The following COL16A1 variants were observed in gnomAD, a reference collection of about 807,000 sequenced individuals.
COL16A1 encodes the protein collagen type XVI alpha 1 chain, also known as collagen alpha-1(XVI) chain.
A neutral mutation model predicts 266.3 loss-of-function variants in COL16A1; 189 were observed. That is an observed-to-expected ratio of 0.71 (90% CI 0.63 to 0.80). The LOEUF is 0.80. Ranked by LOEUF, COL16A1 falls within the 30% of genes least tolerant of loss-of-function variation. The probability of loss-of-function intolerance (pLI) is 0.00; values close to 1 mark genes in which losing one functional copy is unlikely to be tolerated. For synonymous variants in COL16A1, 740 were observed against 782.3 expected, an observed-to-expected ratio of 0.95 and a Z score of 0.90; for missense variants, 1,928 against 2,122.4, an observed-to-expected ratio of 0.91 and a Z score of 1.80.
rs1340638218 is a variant in COL16A1, at chr1:31,672,733, G to T, written c.2967C>A (p.Asn989Lys). 1 of 1,614,068 alleles carries T rather than the reference G, an allele frequency of 6.2e-7. No homozygotes were observed. The highest frequency in any genetic ancestry group is 1.3e-5 in the African/African-American group (1 of 75,064). Reference sequence around the variant, plus strand: ...AAGCCCAGTCCCTTACCTGGGCGCAGTTGTCGAGGCCTGGCACACCAGGGA... The same window carrying T: ...AAGCCCAGTCCCTTACCTGGGCGCATTTGTCGAGGCCTGGCACACCAGGGA... Reference protein sequence around the residue: ...QGIPGVPGLDNCAQCFLSLER... With the variant: ...QGIPGVPGLDKCAQCFLSLER... Residue 989 changes from asparagine to lysine, a missense_variant, in exon 45 of 71, where the codon AAC becomes AAA. Around this residue, in one of 2 missense-constraint regions of COL16A1, gnomAD observed 1,552 missense variants for 1,637.2 expected, o/e 0.95. Coordinates refer to ENST00000373672, the MANE Select transcript of COL16A1 (RefSeq NM_001856.4).
rs1643923394 is a variant in COL16A1 at position 31,685,514 on chromosome 1, C to T, written c.2016+125G>A. On this transcript the variant is annotated intron_variant, in intron 29 of 70. Coordinates refer to ENST00000373672, the MANE Select transcript of COL16A1 (RefSeq NM_001856.4). This position sits in a 1 kb window ranked among gnomAD's most constrained non-coding sequence, Gnocchi z 4.0. ...CCTGCTGGAGACAGAGGCTCTGACC[C>T]CGCCACACCCTCCCCACTACCCCCA... The T allele has an allele frequency of 8.3e-7, 1 of 1,198,052 alleles. No individual in the cohort carries two copies. Among genetic ancestry groups the T allele is most frequent in the Non-Finnish European group, 1.2e-6 (1 of 844,288 alleles). The allele number at this position is 1,198,052 out of a possible 1,614,324, so 74.2% of individuals were successfully genotyped here.
At chr1:31,661,336 TA>T in intron 60 of COL16A1, 77 bp downstream of exon 60, 1 of 1,608,106 alleles carries the variant, frequency 6.2e-7, no homozygotes, top group Non-Finnish European at 8.5e-7. Flanking sequence ...CTGCCCAGGA[TA>T]GGCTGCCATG....
In COL16A1 at chr1:31,652,723, A is replaced by G. The variant is rs747284868; in HGVS notation, c.4743T>C (p.Ser1581=). The change falls in exon 71 of 71, where the codon TCT becomes TCC. Residue 1581 remains serine (S), a synonymous_variant. Transcript: ENST00000373672. The surrounding 1 kb of genome is among the most constrained non-coding windows in gnomAD (Gnocchi z 4.8). ...CCATCGGCATGGCCCCAAAGCAGTCAGAGGGATTACAGTGGCCAGCCTTGC... is the reference window on the plus strand; with the variant it reads ...CCATCGGCATGGCCCCAAAGCAGTCGGAGGGATTACAGTGGCCAGCCTTGC... ...QPGKAGHCNP[S]DCFGAMPMEQ... is the part of the protein sequence containing the mutation. 4 of 1,608,212 alleles carry G rather than the reference A, an allele frequency of 2.5e-6. No individual in the cohort carries two copies. In the South Asian group the frequency reaches 4.5e-5, roughly 18 times the overall value.
In COL16A1 at chr1:31,674,899, A is replaced by G. The variant is rs111763876; in HGVS notation, c.2859+108T>C. The G allele has an allele frequency of 1.6e-4, 243 of 1,513,388 alleles. 1 individual carries two copies. Among genetic ancestry groups the G allele is most frequent in the Non-Finnish European group, 2.1e-4 (240 of 1,118,180 alleles). 93.7% of individuals were successfully genotyped at this position (1,513,388 alleles called of 1,614,324 possible). On this transcript the variant is annotated intron_variant, in intron 44 of 70. Transcript: ENST00000373672. ...GATGCTTGGAATGCGTATTCCCTGC[A>G]AACTGCTGCTCTCTCTGCGAGGTGC...
intron 1 of COL16A1, among the ~76,000 whole-genome samples, chr1:31,703,202 A>G (rs953679006): frequency 3.3e-5 from 5 of 152,214 alleles, no homozygotes; most frequent in African/African-American, 1.2e-4. Context: ...CAGCCAGCCT[A>G]TGACCACTCC....
Position 31,685,808 on chromosome 1 carries a change from G to A in COL16A1, c.1885-38C>T. On this transcript the variant is annotated intron_variant, in intron 28 of 70. Transcript: ENST00000373672. This position sits in a 1 kb window ranked among gnomAD's most constrained non-coding sequence, Gnocchi z 4.0. ...GACATTGAGTTAGGGGGTCCCCCAGGCCCTAGTGCACTTGAGCGAGGTTTG... is the reference window on the plus strand; with the variant it reads ...GACATTGAGTTAGGGGGTCCCCCAGACCCTAGTGCACTTGAGCGAGGTTTG... The A allele has an allele frequency of 6.2e-7, 1 of 1,607,074 alleles. No individual in the cohort carries two copies. The highest frequency in any genetic ancestry group is 8.5e-7 in the Non-Finnish European group (1 of 1,175,030).
At position 31,696,128 on chromosome 1, in the gene COL16A1, A is replaced by G. The variant is rs1644489053; in HGVS notation, c.878T>C (p.Leu293Pro). 1 of 1,603,824 alleles carries G rather than the reference A, an allele frequency of 6.2e-7. No individual in the cohort carries two copies. The highest frequency in any genetic ancestry group is 1.4e-5 in the African/African-American group (1 of 71,038). ...EPQNSEVDAQLTGRISQKAER... is the reference protein window; with the variant it reads ...EPQNSEVDAQPTGRISQKAER... ...TGCCTTCTGGCTGATTCTTCCCGTC[A>G]GCTGGGCATCCACCTGGGCAGACAG... The change falls in exon 9 of 71, where the codon CTG (leucine) becomes CCG (proline). Residue 293 changes from leucine (L) to proline (P), a missense_variant. Leu to Pro is a moderately conservative substitution (Grantham distance 98). Coordinates refer to ENST00000373672, the MANE Select transcript of COL16A1 (RefSeq NM_001856.4).
At position 31,668,256 on chromosome 1, in the gene COL16A1, C is replaced by A. The variant is rs368837553; in HGVS notation, c.3250-38G>T. The A allele has an allele frequency of 1.2e-5, 20 of 1,606,110 alleles. No homozygotes were observed. In the African/African-American group the frequency reaches 2.0e-4, roughly 16 times the overall value. ...GCAGACATGATGGATAGCCCCCCAACATTTCTGTTCTCCCCTCGCTGGGTA... is the reference window on the plus strand; with the variant it reads ...GCAGACATGATGGATAGCCCCCCAAAATTTCTGTTCTCCCCTCGCTGGGTA... On this transcript the variant is annotated intron_variant, in intron 50 of 70. Transcript: ENST00000373672. The surrounding 1 kb of genome is among the most constrained non-coding windows in gnomAD (Gnocchi z 5.8).
chr1:31,699,326 G>C (rs1644631763), intron 4 of COL16A1, among the ~76,000 whole-genome samples: 1 of 152,182 alleles, frequency 6.6e-6, no homozygotes, highest in South Asian at 2.1e-4. Context: ...AGCAAGGGTG[G>C]AAGGAGAGAT....
At chr1:31,662,780 C>T (rs1641809934) in intron 56 of COL16A1, 122 bp from the exon 57 acceptor site, 2 of 1,015,056 alleles carry the variant, frequency 2.0e-6, no homozygotes, top group African/African-American at 1.6e-5. Flanking sequence ...GGACAGCTGG[C>T]TTCTGGGCCC....
Position 31,656,225 on chromosome 1 carries a change from A to G in COL16A1, c.4101+175T>C. Reference sequence around the variant, plus strand: ...TGGAGATTTCCTTCCCCCCAACCACAGCTAATGACCCCATGTGAGAAATTT... The same window carrying G: ...TGGAGATTTCCTTCCCCCCAACCACGGCTAATGACCCCATGTGAGAAATTT... On this transcript the variant is annotated intron_variant, in intron 66 of 70. Coordinates refer to ENST00000373672, the MANE Select transcript of COL16A1 (RefSeq NM_001856.4). The surrounding 1 kb of genome is among the most constrained non-coding windows in gnomAD (Gnocchi z 4.2). The G allele has an allele frequency of 1.0e-6, 1 of 978,638 alleles. No homozygotes were observed. Among genetic ancestry groups the G allele is most frequent in the Non-Finnish European group, 1.5e-6 (1 of 662,990 alleles). 60.6% of individuals were successfully genotyped at this position (978,638 alleles called of 1,614,324 possible).
Position 31,691,497 on chromosome 1 carries a change from C to T in COL16A1, c.1318G>A (p.Val440Ile), listed in dbSNP as rs1363502126. The T allele has an allele frequency of 1.2e-6, 2 of 1,613,770 alleles. No individual in the cohort carries two copies. The highest frequency in any genetic ancestry group is 1.7e-6 in the Non-Finnish European group (2 of 1,179,776). Residue 440 changes from valine to isoleucine, a missense_variant, in exon 19 of 71, where the codon GTT becomes ATT. Around this residue, in one of 2 missense-constraint regions of COL16A1, gnomAD observed 1,552 missense variants for 1,637.2 expected, o/e 0.95. Transcript: ENST00000373672. ...TCTCCTGCCAGCCCCTCAGGCCCAA[C>T]AAAGCCAGGGTCTCCCTGGCACAGA... is the stretch of plus-strand genomic sequence containing the variant. Reference protein sequence around the residue: ...PKGQKGDPGFVGPEGLAGEPG... With the variant: ...PKGQKGDPGFIGPEGLAGEPG...
At position 31,697,647 on chromosome 1, in the gene COL16A1, G is replaced by C. The variant is rs2148826649; in HGVS notation, c.657+259C>G. On this transcript the variant is annotated intron_variant, in intron 6 of 70. Coordinates refer to ENST00000373672, the MANE Select transcript of COL16A1 (RefSeq NM_001856.4). This position sits in a 1 kb window ranked among gnomAD's most constrained non-coding sequence, Gnocchi z 4.2. ...GCAGTGTGAAAGCACTGGGTGCGCT[G>C]GATGGCTAGGATGGAATTGATCAGA... Among the ~76,000 whole-genome samples the C allele has an allele frequency of 6.6e-6, 1 of 152,316 alleles. No homozygotes were observed. The highest frequency in any genetic ancestry group is 2.4e-5 in the African/African-American group (1 of 41,576).
chr1:31,684,494 C>T (rs765594663), intron 31 of COL16A1, 29 bp downstream of exon 31: 13 of 1,599,236 alleles, frequency 8.1e-6, no homozygotes, highest in East Asian at 6.7e-5. Flanking sequence ...CAACAAACTC[C>T]CCGACCCCAA....
intron 2 of COL16A1, chr1:31,701,518 G>A: frequency 1.0e-6 from 1 of 985,392 alleles, no homozygotes; most frequent in South Asian, 4.7e-5. Context: ...ACCCAGCAAG[G>A]CCAGGCAAGT....
At position 31,665,194 on chromosome 1, in the gene COL16A1, G is replaced by A. The variant is rs377751600; in HGVS notation, c.3533C>T (p.Pro1178Leu). The A allele has an allele frequency of 6.2e-6, 10 of 1,603,352 alleles. No individual in the cohort carries two copies. The highest frequency in any genetic ancestry group is 1.8e-5 in the Admixed American group (1 of 56,226). The change falls in exon 56 of 71, where the codon CCA becomes CTA. Residue 1178 changes from proline to leucine, a missense_variant. Physicochemically the swap from Pro to Leu is moderately conservative, Grantham distance 98. This residue lies in a region of COL16A1 where 1,552 missense variants were observed against 1,637.2 expected (regional missense o/e 0.95). Transcript: ENST00000373672. ...GFPGKVGSPG[P>L]PGPQAEKGSE... The stretch of plus-strand genomic sequence containing the variant: ...CACCTTCTCTGCTTGAGGGCCAGGT[G>A]GGCCAGGTGATCCAACTTTGCCTGG...
chr1:31,692,378 C>T lies in COL16A1; in HGVS notation c.1194+96G>A, dbSNP rs1421576790. The T allele has an allele frequency of 3.3e-6, 5 of 1,502,212 alleles. No individual in the cohort carries two copies. The East Asian group carries it at 7.2e-5, about 22-fold the overall frequency. The allele number at this position is 1,502,212 out of a possible 1,614,324, so 93.1% of individuals were successfully genotyped here. A position where few individuals can be genotyped will look rare whatever the true frequency, so the allele number is the denominator to read the frequency against. ...GTCCTGCCAGCTCTGTGCCCACTGA[C>T]ACCCTCTCCTCAGAGAACCCCGACT... is the stretch of plus-strand genomic sequence containing the variant. On this transcript the variant is annotated intron_variant, in intron 16 of 70. Coordinates refer to ENST00000373672, the MANE Select transcript of COL16A1 (RefSeq NM_001856.4).
rs563948174 is a variant in COL16A1 at position 31,678,369 on chromosome 1, C to T, written c.2772+1263G>A. On this transcript the variant is annotated intron_variant, in intron 42 of 70. Transcript: ENST00000373672. ...TATGCCACCTAGAACCTCTGGAAAA[C>T]GTGGCTTGCTAGGCAAACCACTGGG... 1.1e-4 allele frequency among the ~76,000 whole-genome samples: 17 copies of T among 152,254 alleles called. No individual in the cohort carries two copies. In the South Asian group the frequency reaches 2.5e-3, roughly 22 times the overall value.
At chr1:31,680,618 G>A (rs377252170) in intron 39 of COL16A1, among the ~76,000 whole-genome samples, 4 of 152,270 alleles carry the variant, frequency 2.6e-5, no homozygotes, top group African/African-American at 7.2e-5. Context: ...GGGGGCCTTG[G>A]AGTTTTCCAG....
Sources: gnomAD v4.1 joint callset for allele counts (sites outside exome capture counted in the v4.1 genomes callset) on GRCh38, gnomAD v4.1.1 for gene constraint, gnomAD v4.1.1 regional missense constraint, Gnocchi (gnomAD v3.1) non-coding constraint, MANE v1.5 for transcripts, NCBI Gene and HGNC (gene_info 2026-07-23, HGNC 2026-07-21) for gene names.